Variants in HEATR5A observed in about 807,000 individuals in gnomAD.
HEATR5A encodes the protein HEAT repeat-containing protein 5A.
HEATR5A carries 178 observed loss-of-function variants against 218.8 expected under a neutral mutation model. The ratio of observed to expected loss-of-function variants is 0.81; its 90% CI spans 0.72 to 0.92. The LOEUF (loss-of-function observed/expected upper bound fraction) is 0.92. Among genes scored for constraint, HEATR5A ranks in the 40% least tolerant of loss-of-function variants. The pLI is 0.00. For synonymous variants in HEATR5A, 864 were observed against 871.6 expected, an observed-to-expected ratio of 0.99 and a Z score of 0.15; for missense variants, 2,420 against 2,418.9, an observed-to-expected ratio of 1.00 and a Z score of -0.01.
At chr14:31,419,811 G>A (rs1234654902) in intron 1 of HEATR5A, among the ~76,000 whole-genome samples, 1 of 152,260 alleles carries the variant, frequency 6.6e-6, no homozygotes, top group African/African-American at 2.4e-5. Context: ...TTGGCCGAGA[G>A]TAGGGTGAAA....
chr14:31,337,978 A>G (rs1900721907), intron 21 of HEATR5A, among the ~76,000 whole-genome samples: 1 of 151,930 alleles, frequency 6.6e-6, no homozygotes, highest in African/African-American at 2.4e-5. Flanking sequence ...CAACTATATT[A>G]TAATGTTTTA....
At chr14:31,395,874 C>G (rs2139297079) in intron 4 of HEATR5A, among the ~76,000 whole-genome samples, 1 of 152,312 alleles carries the variant, frequency 6.6e-6, no homozygotes, top group African/African-American at 2.4e-5. Flanking sequence ...TTGGTTGGAA[C>G]AGCTTAACTC....
At chr14:31,392,458 C>T (rs1302993931) in intron 6 of HEATR5A, among the ~76,000 whole-genome samples, 1 of 152,184 alleles carries the variant, frequency 6.6e-6, no homozygotes, top group Non-Finnish European at 1.5e-5. Context: ...AGTACCTGGT[C>T]TGCTCTTCTC....
In HEATR5A at chr14:31,331,542, C is replaced by T. The variant is rs553929724; in HGVS notation, c.3368-5200G>A. 5.9e-5 allele frequency among the ~76,000 whole-genome samples: 9 copies of T among 152,274 alleles called. No individual in the cohort carries two copies. The South Asian group carries it at 1.9e-3, about 32-fold the overall frequency. ...CCCTCCAAACCATTCCAACCACTGC[C>T]TATTACCCAATTCTAAAGCTGCTTC... On this transcript the variant is annotated intron_variant, in intron 22 of 35. Transcript: ENST00000543095.
chr14:31,309,315 C>G (rs765064509), intron 28 of HEATR5A, 133 bp from the exon 29 acceptor site: 4 of 871,408 alleles, frequency 4.6e-6, no homozygotes, highest in Non-Finnish European at 1.7e-6. Flanking sequence ...GTTCCCTATA[C>G]CCTAAGGCAA....
rs1050861942 is a variant in HEATR5A at position 31,315,764 on chromosome 14, A to G, written c.4218+6T>C. On this transcript the variant is annotated splice_donor_region_variant and intron_variant, in intron 27 of 35. Coordinates refer to ENST00000543095, the MANE Select transcript of HEATR5A (RefSeq NM_015473.4). ...AAATTCCAGTTACAAATTAAGAAAT[A>G]CCAACCTCTGCCCAGGCTTTAAGCA... 2 of 1,563,264 alleles carry G rather than the reference A, an allele frequency of 1.3e-6. No individual in the cohort carries two copies. The highest frequency in any genetic ancestry group is 1.4e-5 in the African/African-American group (1 of 72,896).
rs111378735 is a variant in HEATR5A, at chr14:31,296,286, A to G, written c.5465-223T>C. On this transcript the variant is annotated intron_variant, in intron 33 of 35. Coordinates refer to ENST00000543095, the MANE Select transcript of HEATR5A (RefSeq NM_015473.4). ...TATAATCTTTAAAGGTTAAGACATC[A>G]GTAAATAAATACATACATTTACTAG... is the stretch of plus-strand genomic sequence containing the variant. 7.6e-4 allele frequency: 319 copies of G among 419,878 alleles called. 1 individual carries two copies. The highest frequency in any genetic ancestry group is 6.0e-3 in the African/African-American group (295 of 49,302). 26.0% of individuals were successfully genotyped at this position (419,878 alleles called of 1,614,324 possible).
At chr14:31,316,008 G>A (rs1428720950) in intron 26 of HEATR5A, 59 bp from the exon 27 acceptor site, 4 of 1,340,150 alleles carry the variant, frequency 3.0e-6, no homozygotes, top group Non-Finnish European at 3.0e-6. Flanking sequence ...CCTTGGCTGG[G>A]TGTGGTGGCT....
intron 1 of HEATR5A, among the ~76,000 whole-genome samples, chr14:31,405,972 A>G (rs1328739794): frequency 1.3e-5 from 2 of 152,210 alleles, no homozygotes; most frequent in Admixed American, 1.3e-4. Context: ...CTCCTAAAGG[A>G]AGTAGACAAT....
chr14:31,400,881 C>T (rs1017671807), intron 2 of HEATR5A, among the ~76,000 whole-genome samples: 5 of 151,530 alleles, frequency 3.3e-5, no homozygotes, highest in Non-Finnish European at 7.4e-5. Flanking sequence ...GCTCTGTCGC[C>T]CAGGCTGGAG....
At position 31,378,306 on chromosome 14, in the gene HEATR5A, C is replaced by T. The variant is rs574122881; in HGVS notation, c.1708+2161G>A. 3.9e-5 allele frequency among the ~76,000 whole-genome samples: 6 copies of T among 152,352 alleles called. 1 individual carries two copies. Among genetic ancestry groups the T allele is most frequent in the African/African-American group, 1.4e-4 (6 of 41,590 alleles). ...CAAGTGTGGTTGTACACAAATAAAACTATGAATGCTGAAATGTGACTTTCA... is the reference window on the plus strand; with the variant it reads ...CAAGTGTGGTTGTACACAAATAAAATTATGAATGCTGAAATGTGACTTTCA... On this transcript the variant is annotated intron_variant, in intron 11 of 35. Transcript: ENST00000543095.
Position 31,326,310 on chromosome 14 carries a change from C to A in HEATR5A, c.3400G>T (p.Ala1134Ser), listed in dbSNP as rs766130299. ...ANIREVGLEG[A>S]LLILLDKETD... is the part of the protein sequence containing the mutation. Reference sequence around the variant, plus strand: ...TCCTTGTCTAGTAAGATCAACAATGCCCCCTCAAGGCCAACTTCTCTGATG... The same window carrying A: ...TCCTTGTCTAGTAAGATCAACAATGACCCCTCAAGGCCAACTTCTCTGATG... Residue 1134 changes from alanine to serine, a missense_variant, in exon 23 of 36, where the codon GCA becomes TCA. Coordinates refer to ENST00000543095, the MANE Select transcript of HEATR5A (RefSeq NM_015473.4). The A allele has an allele frequency of 6.8e-6, 11 of 1,612,752 alleles. No homozygotes were observed. The highest frequency in any genetic ancestry group is 4.0e-5 in the African/African-American group (3 of 74,854).
At chr14:31,302,132 A>G (rs1184540635) in intron 33 of HEATR5A, 163 bp downstream of exon 33, 3 of 602,832 alleles carry the variant, frequency 5.0e-6, no homozygotes, top group Non-Finnish European at 8.7e-6. Context: ...GCACCCGGCC[A>G]ATTTTCTATC....
intron 26 of HEATR5A, 73 bp from the exon 27 acceptor site, chr14:31,316,022 G>T: frequency 8.2e-7 from 1 of 1,217,036 alleles, no homozygotes; most frequent in Non-Finnish European, 1.1e-6. Flanking sequence ...GGTGGCTCAT[G>T]CCTGTAATCC....
At position 31,386,521 on chromosome 14, in the gene HEATR5A, G is replaced by A; in HGVS notation, c.1244C>T (p.Ala415Val). The A allele has an allele frequency of 1.2e-6, 2 of 1,606,740 alleles. No homozygotes were observed. Among genetic ancestry groups the A allele is most frequent in the Non-Finnish European group, 1.7e-6 (2 of 1,177,704 alleles). ...LETRLGSTDV[A>V]ASQHMLVCAL... is the part of the protein sequence containing the mutation. ...ACAAACCAGCATATGTTGGCTAGCG[G>A]CTACATCTGTGGAACCAAGCCGGGT... The change falls in exon 9 of 36, where the codon GCC becomes GTC. Residue 415 changes from alanine (A) to valine (V), a missense_variant. Ala to Val is a moderately conservative substitution (Grantham distance 64). Coordinates refer to ENST00000543095, the MANE Select transcript of HEATR5A (RefSeq NM_015473.4).
chr14:31,329,326 T>G (rs758705936), intron 22 of HEATR5A, among the ~76,000 whole-genome samples: 1 of 152,160 alleles, frequency 6.6e-6, no homozygotes, highest in Non-Finnish European at 1.5e-5. Context: ...GTCCAAAGTC[T>G]CATCTGAGAC....
intron 33 of HEATR5A, chr14:31,297,641 T>C (rs1277994692): frequency 6.6e-6 from 1 of 152,062 alleles, no homozygotes; most frequent in Non-Finnish European, 1.5e-5. Flanking sequence ...TAGGATTTAT[T>C]TTATAAAAGA....
intron 13 of HEATR5A, among the ~76,000 whole-genome samples, chr14:31,365,669 TTG>T (rs1397445955): frequency 1.3e-5 from 2 of 151,660 alleles, no homozygotes; most frequent in African/African-American, 4.9e-5. Context: ...TGTACTTTTT[TTG>T]TTGTTGTTGT....
chr14:31,343,459 T>C (rs116700517), intron 21 of HEATR5A, among the ~76,000 whole-genome samples: 1 of 152,212 alleles, frequency 6.6e-6, no homozygotes, highest in Non-Finnish European at 1.5e-5. Flanking sequence ...AGATACAATA[T>C]TAGAAGCCAG....
Sources: allele counts gnomAD v4.1 joint callset (sites outside exome capture counted in the v4.1 genomes callset), GRCh38; gene constraint gnomAD v4.1.1; transcripts MANE v1.5; gene names NCBI Gene and HGNC (gene_info 2026-07-23, HGNC 2026-07-21).